Variants in TRHDE observed in about 807,000 individuals in gnomAD.
TRHDE encodes thyrotropin-releasing hormone-degrading ectoenzyme.
A neutral mutation model predicts 125.7 loss-of-function variants in TRHDE; 72 were observed. That is an observed-to-expected ratio of 0.57 (90% CI 0.47 to 0.70). TRHDE has a LOEUF of 0.70. Among genes scored for constraint, TRHDE ranks in the 30% least tolerant of loss-of-function variants. TRHDE has a pLI of 0.00. For synonymous variants in TRHDE, 509 were observed against 509.1 expected (o/e 1.00, Z 0.00); for missense variants, 1,110 against 1,327.1 (o/e 0.84, Z 2.54).
At chr12:72,383,673 G>A (rs997936149) in intron 3 of TRHDE, among the ~76,000 whole-genome samples, 2 of 151,156 alleles carry the variant, frequency 1.3e-5, no homozygotes, top group Admixed American at 6.6e-5. Flanking sequence ...CACCATGCCC[G>A]GCCCCCCATT....
chr12:72,088,719 G>A (rs761280484), intron 1 of TRHDE, among the ~76,000 whole-genome samples: 8 of 151,990 alleles, frequency 5.3e-5, no homozygotes, highest in Non-Finnish European at 1.0e-4. Flanking sequence ...TTCTTTACTG[G>A]TTCTTTCTCC....
intron 1 of TRHDE, among the ~76,000 whole-genome samples, chr12:72,090,378 TAAA>T (rs757618686): frequency 2.0e-5 from 3 of 152,216 alleles, no homozygotes; most frequent in Non-Finnish European, 2.9e-5. Context: ...ACTGAGGTTT[TAAA>T]GCTCTTGGGG....
At chr12:72,363,112 G>C (rs1298185836) in intron 2 of TRHDE, among the ~76,000 whole-genome samples, 1 of 151,958 alleles carries the variant, frequency 6.6e-6, no homozygotes, top group African/African-American at 2.4e-5. Context: ...AAAGTCATTG[G>C]TAGCTTGATG....
intron 7 of TRHDE, among the ~76,000 whole-genome samples, chr12:72,555,886 C>T (rs1869897528): frequency 2.0e-5 from 3 of 152,152 alleles, no homozygotes; most frequent in Admixed American, 1.3e-4. Context: ...AATGTATAAG[C>T]TCAGAACTTA....
Position 72,098,154 on chromosome 12 carries a change from A to T in TRHDE, n.175-7494A>T, listed in dbSNP as rs1237736881. 2.0e-5 allele frequency among the ~76,000 whole-genome samples: 3 copies of T among 152,210 alleles called. No individual in the cohort carries two copies. The East Asian group carries it at 5.8e-4, about 29-fold the overall frequency. On this transcript the variant is annotated intron_variant and non_coding_transcript_variant, in intron 1 of 4. Coordinates refer to the TRHDE transcript ENST00000548156. ...TGCCTCAGCCTTCCAAAGTGCTAGA[A>T]TTATAGACGTGAGCCACTGTGCTCA...
intron 2 of TRHDE, among the ~76,000 whole-genome samples, chr12:72,320,222 A>G (rs1211333568): frequency 2.0e-5 from 3 of 152,104 alleles, no homozygotes; most frequent in Non-Finnish European, 4.4e-5. Context: ...CTCAATATCC[A>G]TGGGGGATTT....
intron 2 of TRHDE, among the ~76,000 whole-genome samples, chr12:72,218,604 C>G (rs1877941865): frequency 6.6e-6 from 1 of 151,258 alleles, no homozygotes; most frequent in Non-Finnish European, 1.5e-5. Context: ...GGGTTGGTTT[C>G]TTCTGGAGGC....
chr12:72,464,811 G>A (rs1263623560), intron 3 of TRHDE, among the ~76,000 whole-genome samples: 1 of 152,166 alleles, frequency 6.6e-6, no homozygotes, highest in Non-Finnish European at 1.5e-5. Flanking sequence ...TCAGGATAGT[G>A]TTAAGAATAG....
intron 3 of TRHDE, among the ~76,000 whole-genome samples, chr12:72,423,167 T>G (rs758814894): frequency 6.6e-6 from 1 of 152,226 alleles, no homozygotes; most frequent in Non-Finnish European, 1.5e-5. Context: ...CCCTGACTTA[T>G]GATGGTTCTA....
At chr12:72,566,065 C>T (rs980427770) in intron 9 of TRHDE, among the ~76,000 whole-genome samples, 2 of 151,922 alleles carry the variant, frequency 1.3e-5, no homozygotes, top group Admixed American at 6.5e-5. Context: ...AAGTTATAAT[C>T]ACAAAGCAGC....
At chr12:72,397,223 T>A (rs1316204931) in intron 3 of TRHDE, among the ~76,000 whole-genome samples, 2 of 152,342 alleles carry the variant, frequency 1.3e-5, no homozygotes, top group East Asian at 3.9e-4. Context: ...TTATGTAATC[T>A]ATCAGCAAAT....
intron 2 of TRHDE, among the ~76,000 whole-genome samples, chr12:72,191,074 AG>A (rs1877328746): frequency 6.6e-6 from 1 of 152,244 alleles, no homozygotes; most frequent in Non-Finnish European, 1.5e-5. Flanking sequence ...ACATTGAGCC[AG>A]AATAAATAAC....
intron 2 of TRHDE, among the ~76,000 whole-genome samples, chr12:72,203,888 A>T (rs928470661): frequency 8.5e-5 from 13 of 152,292 alleles, no homozygotes; most frequent in Non-Finnish European, 1.3e-4. Flanking sequence ...AAAATAGTTT[A>T]GTAAGATTAG....
chr12:72,397,125 C>T (rs1872826596), intron 3 of TRHDE, among the ~76,000 whole-genome samples: 1 of 152,204 alleles, frequency 6.6e-6, no homozygotes, highest in Admixed American at 6.5e-5. Context: ...CTACCTTTTT[C>T]ATTTTCGTAA....
intron 5 of TRHDE, among the ~76,000 whole-genome samples, chr12:72,493,084 C>T (rs1877755154): frequency 6.6e-6 from 1 of 151,816 alleles, no homozygotes; most frequent in Non-Finnish European, 1.5e-5. Flanking sequence ...AAGAGGGAGT[C>T]AGGAAACATA....
intron 2 of TRHDE, among the ~76,000 whole-genome samples, chr12:72,304,509 G>A (rs1056032637): frequency 6.6e-6 from 1 of 152,054 alleles, no homozygotes; most frequent in African/African-American, 2.4e-5. Context: ...AATCTGATTT[G>A]GATTTCTATG....
At chr12:72,224,254 A>G (rs952347095) in intron 2 of TRHDE, among the ~76,000 whole-genome samples, 7 of 64,744 alleles carry the variant, frequency 1.1e-4, no homozygotes, top group Admixed American at 6.0e-4. Flanking sequence ...TTTGGTTACA[A>G]ATATGAAGGA....
At chr12:72,141,943 G>C (rs181209653) in intron 2 of TRHDE, among the ~76,000 whole-genome samples, 109 of 152,218 alleles carry the variant, frequency 7.2e-4, no homozygotes, top group African/African-American at 2.6e-3. Flanking sequence ...GGAGAGGCTA[G>C]TTCCTGATGG....
chr12:72,180,952 T>C (rs568261686), intron 2 of TRHDE, among the ~76,000 whole-genome samples: 1 of 152,300 alleles, frequency 6.6e-6, no homozygotes, highest in South Asian at 2.1e-4. Flanking sequence ...TATTTAGGTC[T>C]CTTTATTATG....
Sources: allele counts gnomAD v4.1 joint callset (sites outside exome capture counted in the v4.1 genomes callset), GRCh38; gene constraint gnomAD v4.1.1; transcripts MANE v1.5; gene names NCBI Gene and HGNC (gene_info 2026-07-23, HGNC 2026-07-21).